Variants in SYT10 observed in about 807,000 individuals in gnomAD.
SYT10 encodes synaptotagmin-10.
SYT10 carries 31 observed loss-of-function variants against 51.1 expected under a neutral mutation model. The observed-to-expected ratio is 0.61, with a 90% CI of 0.46 to 0.82. The LOEUF is 0.82. Among genes scored for constraint, SYT10 ranks in the 40% least tolerant of loss-of-function variants. SYT10 has a pLI of 0.00. For missense variants in SYT10, 603 were observed against 634.0 expected, an observed-to-expected ratio of 0.95 and a Z score of 0.53; for synonymous variants, 233 against 225.9, an observed-to-expected ratio of 1.03 and a Z score of -0.28.
At chr12:33,426,584 T>G in intron 1 of SYT10, 89 bp from the exon 2 acceptor site, 1 of 1,129,108 alleles carries the variant, frequency 8.9e-7, no homozygotes, top group Non-Finnish European at 1.2e-6. Context: ...TAATTGTTAT[T>G]ATTTCCTGAT....
At chr12:33,400,716 A>G (rs1866296068) in intron 3 of SYT10, among the ~76,000 whole-genome samples, 1 of 152,280 alleles carries the variant, frequency 6.6e-6, no homozygotes, top group African/African-American at 2.4e-5. Context: ...GGAAAACTAC[A>G]TTTAAATATT....
At chr12:33,381,410 T>C (rs774954208) in intron 5 of SYT10, among the ~76,000 whole-genome samples, 48 of 152,136 alleles carry the variant, frequency 3.2e-4, no homozygotes, top group Non-Finnish European at 6.8e-4. Flanking sequence ...ACAAAATAAA[T>C]ATACTAAGGT....
chr12:33,433,476 A>G (rs1280953603), intron 1 of SYT10, among the ~76,000 whole-genome samples: 3 of 152,214 alleles, frequency 2.0e-5, no homozygotes, highest in Non-Finnish European at 4.4e-5. Flanking sequence ...TGTTTTCACT[A>G]CAGACTAATT....
intron 6 of SYT10, among the ~76,000 whole-genome samples, chr12:33,377,924 G>A (rs1184500616): frequency 2.0e-5 from 3 of 152,048 alleles, no homozygotes; most frequent in Non-Finnish European, 2.9e-5. Context: ...CACCGCACCC[G>A]GTTGAGGAAC....
intron 1 of SYT10, chr12:33,432,426 C>G (rs1866604876): frequency 6.6e-6 from 1 of 152,066 alleles, no homozygotes; most frequent in African/African-American, 2.4e-5. Context: ...GAACATCACA[C>G]ATAGCATCAC....
At chr12:33,380,162 A>G (rs1866101785) in intron 5 of SYT10, among the ~76,000 whole-genome samples, 1 of 152,230 alleles carries the variant, frequency 6.6e-6, no homozygotes, top group Non-Finnish European at 1.5e-5. Flanking sequence ...ATGAATGTGT[A>G]TAAGAGGCAC....
intron 1 of SYT10, chr12:33,432,525 A>C: frequency 6.6e-6 from 1 of 152,112 alleles, no homozygotes; most frequent in East Asian, 1.9e-4. Context: ...CTTGAATAAA[A>C]GCATGATGTT....
intron 3 of SYT10, among the ~76,000 whole-genome samples, chr12:33,397,570 T>A (rs1416145676): frequency 2.0e-5 from 3 of 152,122 alleles, no homozygotes. Flanking sequence ...CCGACCAGCC[T>A]TTTGAGGCAC....
At chr12:33,427,728 A>G (rs1866564437) in intron 1 of SYT10, among the ~76,000 whole-genome samples, 1 of 152,238 alleles carries the variant, frequency 6.6e-6, no homozygotes, top group Admixed American at 6.5e-5. Flanking sequence ...GTAGCTCTTC[A>G]TGACATATTT....
At chr12:33,423,952 C>T in intron 2 of SYT10, 2 of 455,886 alleles carry the variant, frequency 4.4e-6, no homozygotes, top group Non-Finnish European at 8.8e-6. Flanking sequence ...GGTGCCTTGG[C>T]ATAGTGACAA....
At chr12:33,393,807 C>G (rs1866230636) in intron 3 of SYT10, among the ~76,000 whole-genome samples, 2 of 152,214 alleles carry the variant, frequency 1.3e-5, no homozygotes, top group Non-Finnish European at 2.9e-5. Flanking sequence ...GGGTGGCCCC[C>G]ACTCCACTAC....
intron 3 of SYT10, among the ~76,000 whole-genome samples, chr12:33,389,053 A>T (rs1866181822): frequency 6.6e-6 from 1 of 152,226 alleles, no homozygotes; most frequent in Non-Finnish European, 1.5e-5. Context: ...TTAAAGAATT[A>T]ACCAGATGGG....
At chr12:33,383,580 A>C (rs1159779505) in intron 4 of SYT10, among the ~76,000 whole-genome samples, 2 of 152,206 alleles carry the variant, frequency 1.3e-5, no homozygotes, top group Non-Finnish European at 2.9e-5. Flanking sequence ...ATTTTTAAAT[A>C]ATATGAAGTA....
At chr12:33,394,991 G>A (rs1866242356) in intron 3 of SYT10, among the ~76,000 whole-genome samples, 1 of 152,176 alleles carries the variant, frequency 6.6e-6, no homozygotes, top group Admixed American at 6.5e-5. Context: ...GGGAGGCTGA[G>A]GCAGGAGAAC....
chr12:33,416,686 C>G (rs1250835388), intron 2 of SYT10, among the ~76,000 whole-genome samples: 1 of 152,182 alleles, frequency 6.6e-6, no homozygotes, highest in Non-Finnish European at 1.5e-5. Flanking sequence ...TCATCATCAA[C>G]AGCAAGCTCT....
chr12:33,411,088 T>C (rs892154703), intron 2 of SYT10, among the ~76,000 whole-genome samples: 6 of 152,208 alleles, frequency 3.9e-5, no homozygotes, highest in African/African-American at 1.2e-4. Context: ...AAGCAGGTGC[T>C]AAAATTAAAA....
chr12:33,430,560 T>C (rs1285320675), intron 1 of SYT10, among the ~76,000 whole-genome samples: 1 of 152,248 alleles, frequency 6.6e-6, no homozygotes, highest in African/African-American at 2.4e-5. Context: ...TTACTACTGC[T>C]TGAATTGATA....
In SYT10 at chr12:33,420,497, A is replaced by T. The variant is rs571401996; in HGVS notation, c.509+5641T>A. On this transcript the variant is annotated intron_variant, in intron 2 of 6. Coordinates refer to ENST00000228567, the MANE Select transcript of SYT10 (RefSeq NM_198992.4). ...CCTCATCTCTAGAAAAAAAAATAAAAAATAATTAGCTGGGCCTGGTGGTGC... is the reference window on the plus strand; with the variant it reads ...CCTCATCTCTAGAAAAAAAAATAAATAATAATTAGCTGGGCCTGGTGGTGC... 4.6e-4 allele frequency among the ~76,000 whole-genome samples: 70 copies of T among 152,090 alleles called. 1 individual carries two copies. The highest frequency in any genetic ancestry group is 1.7e-3 in the East Asian group (9 of 5,164).
At chr12:33,418,330 T>A (rs1866472852) in intron 2 of SYT10, among the ~76,000 whole-genome samples, 1 of 152,096 alleles carries the variant, frequency 6.6e-6, no homozygotes, top group Non-Finnish European at 1.5e-5. Context: ...GTTCCTAACC[T>A]CTCAACGCTC....
Sources: allele counts gnomAD v4.1 joint callset (sites outside exome capture counted in the v4.1 genomes callset), GRCh38; gene constraint gnomAD v4.1.1; transcripts MANE v1.5; gene names NCBI Gene and HGNC (gene_info 2026-07-23, HGNC 2026-07-21).